Variants in AGAP4 observed in about 807,000 individuals in gnomAD.
AGAP4 encodes the protein ArfGAP with GTPase domain, ankyrin repeat and PH domain 4.
Under a neutral mutation model 60.7 loss-of-function variants are expected in AGAP4, and 13 were observed. That is an observed-to-expected ratio of 0.21 (90% CI 0.14 to 0.34). The LOEUF is 0.34. Ranked by LOEUF, AGAP4 falls within the 10% of genes least tolerant of loss-of-function variation. AGAP4 has a pLI of 1.00. For synonymous variants in AGAP4, 70 were observed against 339.0 expected, an observed-to-expected ratio of 0.21 and a Z score of 8.72; for missense variants, 169 against 884.0, an observed-to-expected ratio of 0.19 and a Z score of 10.26.
chr10:45,832,550 C>CA (rs1174351826), intron 5 of AGAP4, among the ~76,000 whole-genome samples: 1 of 144,176 alleles, frequency 6.9e-6, no homozygotes, highest in African/African-American at 2.6e-5. Flanking sequence ...TTTCAATCAG[C>CA]AGCAAAGTTT....
upstream of AGAP4, among the ~76,000 whole-genome samples, chr10:45,850,918 A>T (rs1434063197): frequency 6.6e-6 from 1 of 152,110 alleles, no homozygotes; most frequent in Non-Finnish European, 1.5e-5. Flanking sequence ...ACATCCCAAC[A>T]TATGTTTTCA....
upstream of AGAP4, among the ~76,000 whole-genome samples, chr10:45,848,378 T>C (rs1292117390): frequency 6.9e-6 from 1 of 144,578 alleles, no homozygotes; most frequent in African/African-American, 2.6e-5. Context: ...CAGGTTTTCT[T>C]TCTTTTACTA....
intron 6 of AGAP4, among the ~76,000 whole-genome samples, chr10:45,830,037 C>T (rs1323123606): frequency 6.9e-6 from 1 of 145,934 alleles, no homozygotes; most frequent in Non-Finnish European, 1.5e-5. Flanking sequence ...TGTAAAATGC[C>T]ACCGTAACTA....
chr10:45,827,302 C>T lies in AGAP4; in HGVS notation c.674G>A (p.Ser225Asn). ...SSSIPSTPST[S>N]QEDPQFSVPP... ...AACACTGAACTGAGGGTCCTCCTGG[C>T]TGGTGCTGGGAGTCGATGGAATGGA... Residue 225 changes from serine to asparagine, a missense_variant, in exon 8 of 8, where the codon AGC (serine) becomes AAC (asparagine). Ser to Asn is a conservative substitution (Grantham distance 46). Coordinates refer to ENST00000616763, the MANE Select transcript of AGAP4 (RefSeq NM_001276343.3). 4 of 1,585,518 alleles carry T rather than the reference C, an allele frequency of 2.5e-6. 1 individual carries two copies. Among genetic ancestry groups the T allele is most frequent in the Admixed American group, 3.5e-5 (2 of 57,714 alleles).
Position 45,838,413 on chromosome 10 carries a change from A to C in AGAP4, c.396+3240T>G, listed in dbSNP as rs1199378351. ...CTAAAGAACTTAGTCATGTCACCAA[A>C]TGCCACCTGTTCCCCCAGAAACCTA... On this transcript the variant is annotated intron_variant, in intron 4 of 7. Transcript: ENST00000616763. Among the ~76,000 whole-genome samples the C allele has an allele frequency of 3.3e-5, 5 of 151,814 alleles. 1 individual carries two copies. The highest frequency in any genetic ancestry group is 2.9e-5 in the Non-Finnish European group (2 of 67,948).
Position 45,842,686 on chromosome 10 carries a change from C to T in AGAP4, c.362-999G>A, listed in dbSNP as rs1243155806. Among the ~76,000 whole-genome samples the T allele has an allele frequency of 2.9e-4, 41 of 143,802 alleles. 2 individuals carry two copies. In the South Asian group the frequency reaches 7.8e-3, roughly 27 times the overall value. The allele number at this position is 143,802 out of a possible 152,430, so 94.3% of individuals were successfully genotyped here. Reference sequence around the variant, plus strand: ...GGGCCATGCTTTGTTTCCTACACTGCCTCTGCCTTTGATGCTGGGAGGGCC... The same window carrying T: ...GGGCCATGCTTTGTTTCCTACACTGTCTCTGCCTTTGATGCTGGGAGGGCC... On this transcript the variant is annotated intron_variant, in intron 3 of 7. Coordinates refer to ENST00000616763, the MANE Select transcript of AGAP4 (RefSeq NM_001276343.3).
chr10:45,829,058 G>A (rs1218163867), intron 6 of AGAP4, among the ~76,000 whole-genome samples: 1 of 57,922 alleles, frequency 1.7e-5, no homozygotes, highest in Admixed American at 2.0e-4. Context: ...TTAAAAATTT[G>A]TGAAAGTAAT....
intron 5 of AGAP4, among the ~76,000 whole-genome samples, chr10:45,832,460 T>G (rs1394956346): frequency 6.7e-6 from 1 of 148,414 alleles, no homozygotes; most frequent in African/African-American, 2.5e-5. Flanking sequence ...TGCCTCATCT[T>G]CCACATGAGA....
chr10:45,850,899 C>T (rs1265683696), upstream of AGAP4, among the ~76,000 whole-genome samples: 3 of 151,982 alleles, frequency 2.0e-5, no homozygotes, highest in African/African-American at 7.3e-5. Context: ...TAGGCTAAGT[C>T]CATTTGTGAC....
chr10:45,844,809 A>T (rs1474958501), intron 2 of AGAP4, among the ~76,000 whole-genome samples: 2 of 146,454 alleles, frequency 1.4e-5, no homozygotes, highest in Admixed American at 6.8e-5. Flanking sequence ...TAGAGTTTTT[A>T]AAATTTTTAA....
intron 4 of AGAP4, among the ~76,000 whole-genome samples, chr10:45,838,778 G>A (rs1320440416): frequency 2.0e-5 from 3 of 151,718 alleles, no homozygotes; most frequent in African/African-American, 7.3e-5. Flanking sequence ...GACTTGCGAT[G>A]TTGACCAGGC....
chr10:45,849,578 A>G (rs2059057195), upstream of AGAP4, among the ~76,000 whole-genome samples: 1 of 150,990 alleles, frequency 6.6e-6, no homozygotes, highest in Non-Finnish European at 1.5e-5. Context: ...TTGTAGATGT[A>G]TAGAAATACA....
chr10:45,848,192 C>G (rs1167507951), upstream of AGAP4, among the ~76,000 whole-genome samples: 1 of 143,990 alleles, frequency 6.9e-6, no homozygotes, highest in Non-Finnish European at 1.5e-5. Context: ...GGCCCTAGCT[C>G]TACTCTCAAT....
chr10:45,854,657 AAGAG>A (rs1564868069), upstream of AGAP4: 1 of 138,224 alleles, frequency 7.2e-6, no homozygotes, highest in Non-Finnish European at 1.6e-5. Context: ...AAAAAAAAAA[AAGAG>A]AGAAAAAGAG....
intron 4 of AGAP4, among the ~76,000 whole-genome samples, chr10:45,839,905 G>A (rs1285247590): frequency 5.4e-5 from 8 of 146,964 alleles, no homozygotes; most frequent in Non-Finnish European, 1.0e-4. Context: ...TAAAGTCACA[G>A]AATATCCCAG....
chr10:45,852,942 C>T (rs1383269377), intron 1 of AGAP4, among the ~76,000 whole-genome samples: 14 of 151,824 alleles, frequency 9.2e-5, no homozygotes, highest in African/African-American at 3.1e-4. Context: ...GGAAAAGAAA[C>T]TAACATGCTA....
At chr10:45,834,756 A>T (rs2058788946) in intron 4 of AGAP4, among the ~76,000 whole-genome samples, 2 of 137,390 alleles carry the variant, frequency 1.5e-5, no homozygotes, top group Non-Finnish European at 3.0e-5. Flanking sequence ...GCAGCTGAGA[A>T]TTTCTATTAA....
At chr10:45,851,148 G>A (rs1329988372), upstream of AGAP4, among the ~76,000 whole-genome samples, 2 of 152,112 alleles carry the variant, frequency 1.3e-5, no homozygotes, top group Non-Finnish European at 2.9e-5. Context: ...GAAAGCAATT[G>A]AAGCCATGGG....
At chr10:45,829,410 T>C (rs1404774924) in intron 6 of AGAP4, among the ~76,000 whole-genome samples, 5 of 147,844 alleles carry the variant, frequency 3.4e-5, no homozygotes, top group Non-Finnish European at 7.6e-5. Context: ...ACATCATTTT[T>C]ATTTAAAAGT....
Sources: allele counts gnomAD v4.1 joint callset (sites outside exome capture counted in the v4.1 genomes callset), GRCh38; gene constraint gnomAD v4.1.1; transcripts MANE v1.5; gene names NCBI Gene and HGNC (gene_info 2026-07-23, HGNC 2026-07-21).